Variants in ASIC2 observed in about 807,000 individuals in gnomAD.
ASIC2 encodes the protein acid sensing ion channel subunit 2.
ASIC2 carries 25 observed loss-of-function variants against 57.3 expected under a neutral mutation model. The observed-to-expected ratio is 0.44, with a 90% CI of 0.32 to 0.61. The LOEUF is 0.61. Among genes scored for constraint, ASIC2 ranks in the 20% least tolerant of loss-of-function variants. ASIC2 has a pLI of 0.06. For missense variants in ASIC2, 641 were observed against 738.1 expected (o/e 0.87, Z 1.52); for synonymous variants, 319 against 307.5 (o/e 1.04, Z -0.39).
chr17:33,987,498 G>C (rs116797598), intron 1 of ASIC2, among the ~76,000 whole-genome samples: 5 of 152,156 alleles, frequency 3.3e-5, no homozygotes, highest in African/African-American at 1.2e-4. Flanking sequence ...CTTGGAGACC[G>C]TCATATTCAG....
intron 1 of ASIC2, chr17:33,290,749 A>G (rs965278549): frequency 1.1e-4 from 17 of 152,230 alleles, no homozygotes; most frequent in African/African-American, 3.9e-4. Context: ...TGGATGCTCA[A>G]GACTCCTGCA....
chr17:33,232,615 C>T (rs1010027234), intron 1 of ASIC2, among the ~76,000 whole-genome samples: 3 of 152,168 alleles, frequency 2.0e-5, no homozygotes, highest in Admixed American at 6.5e-5. Context: ...ACTACAACTT[C>T]GGGCTGCAAA....
At chr17:33,687,630 C>G (rs1356229839) in intron 1 of ASIC2, among the ~76,000 whole-genome samples, 1 of 152,144 alleles carries the variant, frequency 6.6e-6, no homozygotes, top group East Asian at 1.9e-4. Flanking sequence ...CAATGTGGCT[C>G]TGGGTGGCAG....
At chr17:33,431,252 A>G (rs1156853216) in intron 1 of ASIC2, among the ~76,000 whole-genome samples, 1 of 152,202 alleles carries the variant, frequency 6.6e-6, no homozygotes, top group Non-Finnish European at 1.5e-5. Flanking sequence ...TCCAGAGTCC[A>G]CATACTGATG....
At chr17:33,606,567 G>A (rs1043981393) in intron 1 of ASIC2, among the ~76,000 whole-genome samples, 3 of 152,142 alleles carry the variant, frequency 2.0e-5, no homozygotes, top group Non-Finnish European at 4.4e-5. Flanking sequence ...CTATTTTTAT[G>A]TTTATTACAG....
chr17:33,823,617 T>C (rs1912816085), intron 1 of ASIC2, among the ~76,000 whole-genome samples: 1 of 152,204 alleles, frequency 6.6e-6, no homozygotes, highest in African/African-American at 2.4e-5. Flanking sequence ...CTTCTTTCAT[T>C]ATGTATGTCC....
At chr17:33,707,000 C>A (rs1908882960) in intron 1 of ASIC2, among the ~76,000 whole-genome samples, 1 of 152,140 alleles carries the variant, frequency 6.6e-6, no homozygotes, top group African/African-American at 2.4e-5. Flanking sequence ...TGTGAAAATT[C>A]TTTGATTTAT....
At chr17:33,473,461 T>C (rs1913119202) in intron 1 of ASIC2, among the ~76,000 whole-genome samples, 1 of 152,164 alleles carries the variant, frequency 6.6e-6, no homozygotes, top group Non-Finnish European at 1.5e-5. Context: ...AGCCAAGAAA[T>C]GCCAGCCTTT....
chr17:33,875,407 T>C (rs1914522464), intron 1 of ASIC2, among the ~76,000 whole-genome samples: 1 of 152,214 alleles, frequency 6.6e-6, no homozygotes, highest in Non-Finnish European at 1.5e-5. Context: ...ATAAACTATG[T>C]AGTTGCTTTG....
chr17:34,039,255 T>C (rs1435659523), intron 1 of ASIC2: 1 of 1,613,996 alleles, frequency 6.2e-7, no homozygotes, highest in African/African-American at 1.3e-5. Context: ...ACTGGGTCTG[T>C]CTGTGCTGGA....
intron 2 of ASIC2, among the ~76,000 whole-genome samples, chr17:33,101,051 A>G (rs112758061): frequency 0.032 from 4,939 of 152,138 alleles, 99 homozygotes; most frequent in Admixed American, 0.056. Context: ...ACAGAGGCCC[A>G]CTCTGAGAGT....
chr17:33,924,756 T>A (rs187885269), intron 1 of ASIC2, among the ~76,000 whole-genome samples: 1 of 152,184 alleles, frequency 6.6e-6, no homozygotes, highest in Non-Finnish European at 1.5e-5. Context: ...CTGCCTGCTG[T>A]CTCGGGCTGT....
At chr17:33,869,249 A>G (rs415988) in intron 1 of ASIC2, among the ~76,000 whole-genome samples, 103,959 of 152,072 alleles carry the variant, frequency 0.68, 36,594 homozygotes, top group Admixed American at 0.8. Context: ...ATTAAAAAAA[A>G]ACAAAGAATA....
chr17:33,751,270 T>C (rs1281192634), intron 1 of ASIC2, among the ~76,000 whole-genome samples: 1 of 152,224 alleles, frequency 6.6e-6, no homozygotes, highest in Non-Finnish European at 1.5e-5. Context: ...CATACAGATC[T>C]GCAGCCGCCC....
chr17:33,858,206 C>T (rs1263032539), intron 1 of ASIC2, among the ~76,000 whole-genome samples: 2 of 152,228 alleles, frequency 1.3e-5, no homozygotes, highest in Non-Finnish European at 2.9e-5. Context: ...CAGAGGTAGG[C>T]ACTGGGCCAC....
At chr17:33,758,505 T>G (rs1910681361) in intron 1 of ASIC2, among the ~76,000 whole-genome samples, 1 of 152,212 alleles carries the variant, frequency 6.6e-6, no homozygotes, top group Non-Finnish European at 1.5e-5. Context: ...CCAAAACTCA[T>G]GTTAAAATAT....
At chr17:34,046,202 G>A (rs1450496480) in intron 1 of ASIC2, among the ~76,000 whole-genome samples, 1 of 152,208 alleles carries the variant, frequency 6.6e-6, no homozygotes, top group Non-Finnish European at 1.5e-5. Context: ...GAACTTTCCA[G>A]CTGAGCCCTA....
At chr17:33,162,167 A>G (rs1905181902) in intron 1 of ASIC2, among the ~76,000 whole-genome samples, 1 of 151,992 alleles carries the variant, frequency 6.6e-6, no homozygotes, top group Non-Finnish European at 1.5e-5. Flanking sequence ...CTTTTGTGAG[A>G]GCTTGGTTAA....
intron 1 of ASIC2, among the ~76,000 whole-genome samples, chr17:33,246,454 G>T (rs1032672409): frequency 6.6e-6 from 1 of 152,194 alleles, no homozygotes; most frequent in African/African-American, 2.4e-5. Flanking sequence ...TATTTAAAAC[G>T]AACTTCAGTG....
Sources: allele counts gnomAD v4.1 joint callset (sites outside exome capture counted in the v4.1 genomes callset), GRCh38; gene constraint gnomAD v4.1.1; transcripts MANE v1.5; gene names NCBI Gene and HGNC (gene_info 2026-07-23, HGNC 2026-07-21).